CALN1: variants seen among roughly 807,000 people sequenced by gnomAD.
The protein encoded by CALN1 is calcium-binding protein 8.
Under a neutral mutation model 30.6 loss-of-function variants are expected in CALN1, and 17 were observed. The ratio of observed to expected loss-of-function variants is 0.56; its 90% CI spans 0.38 to 0.83. The LOEUF is 0.83. Ranked by LOEUF, CALN1 falls within the 40% of genes least tolerant of loss-of-function variation. The pLI is 0.00. For synonymous variants in CALN1, 156 were observed against 131.4 expected, an observed-to-expected ratio of 1.19 and a Z score of -1.28; for missense variants, 291 against 354.9, an observed-to-expected ratio of 0.82 and a Z score of 1.45.
rs369361126 is a variant in CALN1 at position 72,329,325 on chromosome 7, A to C, written c.120-50515T>G. On this transcript the variant is annotated intron_variant, in intron 2 of 6. Coordinates refer to ENST00000395275, the MANE Select transcript of CALN1 (RefSeq NM_031468.4). ...AAGACTCACTTTATTGTACCACAGT[A>C]GTGCAGGCAGAATGGACAGCTGGAG... Among the ~76,000 whole-genome samples, 15 of 152,232 alleles carry C rather than the reference A, an allele frequency of 9.9e-5. No individual in the cohort carries two copies. In the East Asian group the frequency reaches 2.7e-3, roughly 27 times the overall value.
intron 2 of CALN1, among the ~76,000 whole-genome samples, chr7:72,341,440 T>G (rs1802379926): frequency 6.6e-6 from 1 of 152,176 alleles, no homozygotes; most frequent in Admixed American, 6.5e-5. Flanking sequence ...CAAGAATCGC[T>G]TGAACCTGGG....
chr7:72,336,336 G>A (rs1802033969), intron 2 of CALN1, among the ~76,000 whole-genome samples: 1 of 152,144 alleles, frequency 6.6e-6, no homozygotes, highest in Non-Finnish European at 1.5e-5. Context: ...TGCGGGCGGG[G>A]GCGCGCAGCC....
At chr7:72,301,557 G>C (rs139617198) in intron 2 of CALN1, among the ~76,000 whole-genome samples, 27 of 145,880 alleles carry the variant, frequency 1.9e-4, no homozygotes, top group African/African-American at 5.9e-4. Context: ...GCAGTGTGCT[G>C]AGATCACGCC....
intron 5 of CALN1, among the ~76,000 whole-genome samples, chr7:71,861,136 C>A (rs1042047300): frequency 2.0e-5 from 3 of 151,854 alleles, no homozygotes; most frequent in African/African-American, 4.8e-5. Context: ...ACCCTGAATG[C>A]CATTTTGCAT....
chr7:71,841,384 C>A (rs1175286109), intron 5 of CALN1, among the ~76,000 whole-genome samples: 1 of 152,182 alleles, frequency 6.6e-6, no homozygotes, highest in African/African-American at 2.4e-5. Context: ...CCTGCAAAGA[C>A]TGGATGGAAT....
At chr7:72,396,414 C>T (rs982046479) in intron 2 of CALN1, among the ~76,000 whole-genome samples, 18 of 119,982 alleles carry the variant, frequency 1.5e-4, no homozygotes, top group African/African-American at 6.5e-4. Flanking sequence ...CAAAAGGAGA[C>T]TCTGTCTCAA....
At chr7:72,201,400 T>A (rs1468359212) in intron 3 of CALN1, among the ~76,000 whole-genome samples, 1 of 151,908 alleles carries the variant, frequency 6.6e-6, no homozygotes, top group Non-Finnish European at 1.5e-5. Context: ...ACCAGCCTGG[T>A]CAAAATAGTG....
chr7:72,336,932 G>C, intron 2 of CALN1: 1 of 985,068 alleles, frequency 1.0e-6, no homozygotes, highest in Non-Finnish European at 1.2e-6. Flanking sequence ...CGCGCGCCGG[G>C]ACCTGCACGA....
intron 5 of CALN1, among the ~76,000 whole-genome samples, chr7:71,879,538 G>A (rs1792445829): frequency 6.6e-6 from 1 of 152,230 alleles, no homozygotes; most frequent in African/African-American, 2.4e-5. Flanking sequence ...GAAAGTTGTA[G>A]AGACCTGTCC....
the CALN1 span, among the ~76,000 whole-genome samples, chr7:72,473,125 T>G: frequency 6.6e-6 from 1 of 151,804 alleles, no homozygotes; most frequent in Non-Finnish European, 1.5e-5. Flanking sequence ...TTTTGTTTTT[T>G]TTTTTTAAGA....
At chr7:72,072,293 T>C (rs2129538176) in intron 4 of CALN1, among the ~76,000 whole-genome samples, 1 of 152,110 alleles carries the variant, frequency 6.6e-6, no homozygotes, top group African/African-American at 2.4e-5. Flanking sequence ...CCACACAAAT[T>C]CCCCAACATG....
intron 5 of CALN1, among the ~76,000 whole-genome samples, chr7:71,999,117 T>A (rs539484010): frequency 6.6e-6 from 1 of 152,128 alleles, no homozygotes; most frequent in African/African-American, 2.4e-5. Flanking sequence ...TTCAACAACA[T>A]AGGCAGAATG....
intron 5 of CALN1, among the ~76,000 whole-genome samples, chr7:71,938,518 C>T (rs531807041): frequency 1.3e-4 from 20 of 152,058 alleles, no homozygotes; most frequent in African/African-American, 4.3e-4. Context: ...TACACAGGGC[C>T]GGGCACGGTG....
At chr7:71,993,762 A>G (rs1799088594) in intron 5 of CALN1, among the ~76,000 whole-genome samples, 1 of 151,984 alleles carries the variant, frequency 6.6e-6, no homozygotes, top group African/African-American at 2.4e-5. Context: ...CAGCCTGAGG[A>G]TATAAATATT....
intron 1 of CALN1, among the ~76,000 whole-genome samples, chr7:72,407,468 G>C (rs1806780452): frequency 1.3e-5 from 2 of 152,148 alleles, no homozygotes; most frequent in South Asian, 2.1e-4. Flanking sequence ...CTGTTCTTGT[G>C]ATACAGTTCT....
intron 3 of CALN1, among the ~76,000 whole-genome samples, chr7:72,108,593 G>C (rs1246613143): frequency 6.6e-6 from 1 of 152,148 alleles, no homozygotes; most frequent in Admixed American, 6.5e-5. Flanking sequence ...GTTATCTACT[G>C]TTCCTTGTGT....
intron 2 of CALN1, among the ~76,000 whole-genome samples, chr7:72,397,025 C>T (rs544001349): frequency 6.6e-6 from 1 of 152,164 alleles, no homozygotes; most frequent in South Asian, 2.1e-4. Flanking sequence ...ATCCTCCCCC[C>T]TCAGCCTCCA....
intron 4 of CALN1, among the ~76,000 whole-genome samples, chr7:72,032,274 C>T (rs959744388): frequency 1.3e-5 from 2 of 150,624 alleles, no homozygotes; most frequent in Non-Finnish European, 3.0e-5. Flanking sequence ...TCTCGATCTC[C>T]TGACCTCGTG....
At chr7:72,336,414 A>C (rs1276574998) in intron 2 of CALN1, among the ~76,000 whole-genome samples, 1 of 151,966 alleles carries the variant, frequency 6.6e-6, no homozygotes, top group Admixed American at 6.5e-5. Flanking sequence ...GTGCCGGGAC[A>C]GCCGAGTCCG....
Sources: gnomAD v4.1 joint callset for allele counts (sites outside exome capture counted in the v4.1 genomes callset) on GRCh38, gnomAD v4.1.1 for gene constraint, MANE v1.5 for transcripts, NCBI Gene and HGNC (gene_info 2026-07-23, HGNC 2026-07-21) for gene names.